The following CIMAP1A variants were observed in gnomAD, a reference collection of about 807,000 sequenced individuals.
The protein encoded by CIMAP1A is cancer/testis antigen 135.
At chr11:199,367 A>C in the CIMAP1A span, 1 of 1,568,560 alleles carries the variant, frequency 6.4e-7, no homozygotes, top group Non-Finnish European at 8.6e-7. Context: ...TTTACCTCTC[A>C]GACCCCAGGT....
the CIMAP1A span, chr11:197,356 C>T: frequency 6.3e-7 from 1 of 1,597,316 alleles, no homozygotes; most frequent in South Asian, 1.1e-5. Flanking sequence ...CCCCCGGGGA[C>T]CCATCATGGC....
the CIMAP1A span, chr11:197,116 T>C: frequency 1.9e-6 from 1 of 533,964 alleles, no homozygotes; most frequent in Non-Finnish European, 3.4e-6. Context: ...CACAGACCCA[T>C]GCAGAAAGCT....
At chr11:198,844 GGA>G in the CIMAP1A span, 438 of 1,352,446 alleles carry the variant, frequency 3.2e-4, 1 homozygote, top group Non-Finnish European at 3.9e-4. Context: ...AGCACTGTCT[GGA>G]GAGAGAGAGG....
At chr11:198,689 C>T in the CIMAP1A span, 4 of 1,508,488 alleles carry the variant, frequency 2.7e-6, no homozygotes, top group South Asian at 4.0e-5. Context: ...CAATGCCCCT[C>T]AGCCCCCTCA....
At chr11:199,536 G>C in the CIMAP1A span, 1 of 1,547,018 alleles carries the variant, frequency 6.5e-7, no homozygotes, top group Non-Finnish European at 8.7e-7. Flanking sequence ...GCTCAGAGGG[G>C]TCAGGGTGGG....
At chr11:198,722 G>A in the CIMAP1A span, 1 of 1,475,096 alleles carries the variant, frequency 6.8e-7, no homozygotes, top group Non-Finnish European at 9.0e-7. Flanking sequence ...CTGGGCACCT[G>A]CCACGTGCTG....
At chr11:199,339 G>T in the CIMAP1A span, 1 of 1,556,000 alleles carries the variant, frequency 6.4e-7, no homozygotes, top group South Asian at 1.2e-5. Context: ...TGGGTAGGCC[G>T]AGTTGGTCTG....
chr11:197,233 C>A, the CIMAP1A span: 1 of 1,096,342 alleles, frequency 9.1e-7, no homozygotes, highest in Non-Finnish European at 1.3e-6. Context: ...TCGGGGACAT[C>A]AGGGGCCGGC....
the CIMAP1A span, chr11:196,815 C>T: frequency 6.6e-6 from 1 of 152,408 alleles, no homozygotes; most frequent in Non-Finnish European, 1.5e-5. Context: ...TCTCTCCATG[C>T]TCCTTTTGCG....
At chr11:197,535 C>A in the CIMAP1A span, 575 of 1,609,536 alleles carry the variant, frequency 3.6e-4, 4 homozygotes, top group African/African-American at 7.0e-3. Flanking sequence ...AGGCTCCGGG[C>A]TGCTCAGGGC....
At chr11:198,717 C>T in the CIMAP1A span, 1 of 1,482,014 alleles carries the variant, frequency 6.7e-7, no homozygotes, top group Non-Finnish European at 8.9e-7. Flanking sequence ...ACCCTCTGGG[C>T]ACCTGCCACG....
At chr11:197,967 T>C in the CIMAP1A span, 1 of 1,527,302 alleles carries the variant, frequency 6.5e-7, no homozygotes, top group Non-Finnish European at 8.8e-7. Context: ...CCTGGACCTT[T>C]CTCTGCCAGG....
the CIMAP1A span, chr11:199,073 AACAGGG>A: frequency 3.1e-6 from 4 of 1,274,386 alleles, no homozygotes; most frequent in Non-Finnish European, 4.0e-6. Flanking sequence ...CCTCAGGTCC[AACAGGG>A]CAGCAACAGC....
the CIMAP1A span, chr11:197,704 C>T: frequency 1.7e-5 from 27 of 1,613,834 alleles, no homozygotes; most frequent in Admixed American, 3.2e-4. Context: ...GGACCTTGGC[C>T]CTGCCTACTC....
At chr11:199,834 G>C in the CIMAP1A span, 1 of 1,493,920 alleles carries the variant, frequency 6.7e-7, no homozygotes, top group Non-Finnish European at 8.9e-7. Flanking sequence ...ATAGCTTCTG[G>C]CCACCTTGGC....
At chr11:197,464 G>A in the CIMAP1A span, 5 of 1,590,380 alleles carry the variant, frequency 3.1e-6, no homozygotes, top group Admixed American at 3.4e-5. Context: ...GCGGGCAGGT[G>A]GGGGTCCCGG....
chr11:198,697 T>C, the CIMAP1A span: 2 of 1,504,786 alleles, frequency 1.3e-6, no homozygotes, highest in South Asian at 1.4e-5. Context: ...CTCAGCCCCC[T>C]CAGCCCTTCA....
chr11:197,747 T>A, the CIMAP1A span: 3 of 1,613,614 alleles, frequency 1.9e-6, no homozygotes, highest in Non-Finnish European at 2.5e-6. Context: ...AAGACCATGC[T>A]GACTCCTGGT....
At chr11:200,036 C>A in the CIMAP1A span, 1 of 1,613,820 alleles carries the variant, frequency 6.2e-7, no homozygotes, top group Non-Finnish European at 8.5e-7. Context: ...TGGAATAACG[C>A]CAGCCCTGCT....
Sources: gnomAD v4.1 joint callset for allele counts on GRCh38, gnomAD v4.1.1 for gene constraint, MANE v1.5 for transcripts, NCBI Gene and HGNC (gene_info 2026-07-23, HGNC 2026-07-21) for gene names.